Variants in PSD3 observed in about 807,000 individuals in gnomAD.
PSD3 encodes PH and SEC7 domain-containing protein 3.
A neutral mutation model predicts 105.5 loss-of-function variants in PSD3; 49 were observed. That is an observed-to-expected ratio of 0.46 (90% CI 0.37 to 0.59). The LOEUF (loss-of-function observed/expected upper bound fraction) is 0.59. PSD3 is among the 20% of genes least tolerant of loss of function. The probability of loss-of-function intolerance (pLI) is 0.00; values close to 1 mark genes in which losing one functional copy is unlikely to be tolerated. For synonymous variants in PSD3, 557 were observed against 457.8 expected (o/e 1.22, Z -2.77); for missense variants, 1,561 against 1,263.8 (o/e 1.24, Z -3.57).
chr8:18,666,937 G>A (rs1210793983), intron 9 of PSD3, among the ~76,000 whole-genome samples: 1 of 152,190 alleles, frequency 6.6e-6, no homozygotes, highest in East Asian at 1.9e-4. Context: ...CAGTGTTACA[G>A]TTCTTAAAGG....
In PSD3 at chr8:19,071,796, G is replaced by A. The variant is rs59820417; in HGVS notation, c.324+12410C>T. ...AGTGCAATGGCTCACTGCAGCCTCC[G>A]CCTCCCAGGTTCAAGAGATTCTCCT... On this transcript the variant is annotated intron_variant, in intron 1 of 1. Coordinates refer to the PSD3 transcript ENST00000521475. Among the ~76,000 whole-genome samples the A allele has an allele frequency of 3.3e-4, 50 of 151,514 alleles. 1 individual carries two copies. The East Asian group carries it at 8.3e-3, about 25-fold the overall frequency.
At chr8:18,669,423 AATG>A (rs1480368837) in intron 9 of PSD3, among the ~76,000 whole-genome samples, 3 of 152,256 alleles carry the variant, frequency 2.0e-5, no homozygotes, top group Admixed American at 1.3e-4. Flanking sequence ...AAAATAGAAC[AATG>A]ATAACATATG....
At chr8:18,856,082 T>C (rs1282598730) in intron 4 of PSD3, among the ~76,000 whole-genome samples, 2 of 152,114 alleles carry the variant, frequency 1.3e-5, no homozygotes, top group South Asian at 2.1e-4. Flanking sequence ...CCTTCTGCCA[T>C]AGTTCAGCTC....
At position 18,672,227 on chromosome 8, in the gene PSD3, C is replaced by T. The variant is rs188428109; in HGVS notation, c.2173-16542G>A. Among the ~76,000 whole-genome samples the T allele has an allele frequency of 1.7e-3, 258 of 151,328 alleles. 2 individuals are homozygous for T. Among genetic ancestry groups the T allele is most frequent in the African/African-American group, 5.9e-3 (242 of 41,266 alleles). On this transcript the variant is annotated intron_variant, in intron 9 of 15. Transcript: ENST00000327040. ...AATATATGCAATATTTTTTAAGTACCCAAGAAAAACGGTCAATTATATTTA... is the reference window on the plus strand; with the variant it reads ...AATATATGCAATATTTTTTAAGTACTCAAGAAAAACGGTCAATTATATTTA...
At chr8:18,757,356 C>A (rs896569760) in intron 9 of PSD3, among the ~76,000 whole-genome samples, 1 of 151,712 alleles carries the variant, frequency 6.6e-6, no homozygotes, top group Non-Finnish European at 1.5e-5. Flanking sequence ...CCCAGCTACT[C>A]GGGAGGCTGT....
chr8:19,023,092 T>C (rs1408209894), intron 1 of PSD3, among the ~76,000 whole-genome samples: 1 of 152,210 alleles, frequency 6.6e-6, no homozygotes, highest in African/African-American at 2.4e-5. Context: ...TAGAGTCTTA[T>C]ATTTGAAGGT....
At chr8:18,811,177 T>C (rs973098050) in intron 4 of PSD3, among the ~76,000 whole-genome samples, 6 of 152,166 alleles carry the variant, frequency 3.9e-5, no homozygotes, top group Non-Finnish European at 4.4e-5. Context: ...TTCCTAGGGA[T>C]TGAATTGTCA....
chr8:18,625,187 TACACAC>T (rs3042894), intron 11 of PSD3, among the ~76,000 whole-genome samples: 2,774 of 149,342 alleles, frequency 0.019, 81 homozygotes, highest in African/African-American at 0.061. Context: ...AGGTGGGGAA[TACACAC>T]ACACACACAC....
chr8:18,958,772 A>G (rs544105886), intron 1 of PSD3, among the ~76,000 whole-genome samples: 15 of 152,354 alleles, frequency 9.8e-5, no homozygotes, highest in African/African-American at 3.6e-4. Context: ...TTTTAAAAAT[A>G]ACCTTAGCAA....
rs996012148 is a variant in PSD3 at position 18,668,155 on chromosome 8, T to C, written c.2173-12470A>G. Among the ~76,000 whole-genome samples, 2 of 151,970 alleles carry C rather than the reference T, an allele frequency of 1.3e-5. 1 individual carries two copies. The highest frequency in any genetic ancestry group is 3.9e-4 in the East Asian group (2 of 5,148). ...CACAGTGCAGCGGCAGGCTGAAGGG[T>C]TCCTCAAGCGCGGCCAGAGTGGGCA... On this transcript the variant is annotated intron_variant, in intron 9 of 15. Coordinates refer to ENST00000327040, the MANE Select transcript of PSD3 (RefSeq NM_015310.4).
chr8:18,649,403 G>C (rs1010575127), intron 10 of PSD3, among the ~76,000 whole-genome samples: 2 of 152,218 alleles, frequency 1.3e-5, no homozygotes, highest in Non-Finnish European at 2.9e-5. Flanking sequence ...CACAGTGCCT[G>C]TAGCCCCTTT....
At chr8:18,847,711 C>T (rs1815209768) in intron 4 of PSD3, among the ~76,000 whole-genome samples, 1 of 152,134 alleles carries the variant, frequency 6.6e-6, no homozygotes, top group South Asian at 2.1e-4. Flanking sequence ...TAGATATAAA[C>T]AGAGCTGGGG....
chr8:18,555,372 C>G (rs1403694279), intron 15 of PSD3, among the ~76,000 whole-genome samples: 2 of 150,858 alleles, frequency 1.3e-5, no homozygotes, highest in Middle Eastern at 3.4e-3. Flanking sequence ...TAAAAGGGGC[C>G]AGAGCTACAA....
At chr8:18,744,561 C>T (rs1334946273) in intron 9 of PSD3, among the ~76,000 whole-genome samples, 1 of 152,120 alleles carries the variant, frequency 6.6e-6, no homozygotes, top group East Asian at 1.9e-4. Context: ...GTACACATAC[C>T]TTTGTACGTT....
intron 1 of PSD3, among the ~76,000 whole-genome samples, chr8:19,073,532 C>G (rs1829341301): frequency 1.6e-5 from 2 of 121,476 alleles, no homozygotes; most frequent in African/African-American, 6.6e-5. Context: ...GCCTGGGCGA[C>G]AGAGTGAAAC....
intron 9 of PSD3, among the ~76,000 whole-genome samples, chr8:18,696,788 C>T (rs780599100): frequency 6.6e-6 from 1 of 152,072 alleles, no homozygotes; most frequent in Non-Finnish European, 1.5e-5. Flanking sequence ...ATCATTAGAG[C>T]TGGGGAAAAG....
intron 15 of PSD3, among the ~76,000 whole-genome samples, chr8:18,536,362 C>A (rs1398841101): frequency 6.6e-6 from 1 of 152,136 alleles, no homozygotes; most frequent in East Asian, 1.9e-4. Context: ...CCAGGTAGTC[C>A]AGGCCTCACA....
At chr8:18,891,355 T>C (rs1018017747) in intron 2 of PSD3, among the ~76,000 whole-genome samples, 1 of 152,230 alleles carries the variant, frequency 6.6e-6, no homozygotes, top group African/African-American at 2.4e-5. Context: ...TGCGTTTTCG[T>C]TCGCTTCCAC....
At chr8:18,687,943 T>C (rs1237343712) in intron 9 of PSD3, among the ~76,000 whole-genome samples, 1 of 151,928 alleles carries the variant, frequency 6.6e-6, no homozygotes, top group African/African-American at 2.4e-5. Context: ...AATTTTTGTA[T>C]TTTTTAGTAA....
Sources: allele counts gnomAD v4.1 joint callset (sites outside exome capture counted in the v4.1 genomes callset), GRCh38; gene constraint gnomAD v4.1.1; transcripts MANE v1.5; gene names NCBI Gene and HGNC (gene_info 2026-07-23, HGNC 2026-07-21).